Variants in TNRC6B observed in about 807,000 individuals in gnomAD.
The protein encoded by TNRC6B is trinucleotide repeat containing adaptor 6B, also known as trinucleotide repeat-containing gene 6B protein.
Under a neutral mutation model 203.6 loss-of-function variants are expected in TNRC6B, and 52 were observed. The observed-to-expected ratio is 0.26, with a 90% CI of 0.20 to 0.32. The LOEUF (loss-of-function observed/expected upper bound fraction) is 0.32, where lower values mean the gene tolerates loss of function less well. Among genes scored for constraint, TNRC6B ranks in the 10% least tolerant of loss-of-function variants. The pLI is 1.00. For synonymous variants in TNRC6B, 838 were observed against 845.7 expected, an observed-to-expected ratio of 0.99 and a Z score of 0.16; for missense variants, 1,923 against 2,286.2, an observed-to-expected ratio of 0.84 and a Z score of 3.24.
At chr22:40,282,575 A>G (rs1262671369) in intron 11 of TNRC6B, among the ~76,000 whole-genome samples, 3 of 152,220 alleles carry the variant, frequency 2.0e-5, no homozygotes, top group Non-Finnish European at 4.4e-5. Flanking sequence ...GGTGGATCAC[A>G]TGATTATCAA....
chr22:40,276,454 A>C (rs1031426906), intron 7 of TNRC6B, among the ~76,000 whole-genome samples: 3 of 152,332 alleles, frequency 2.0e-5, no homozygotes, highest in African/African-American at 7.2e-5. Flanking sequence ...TCCCTCACAG[A>C]AGTGAAAGTG....
rs769449771 is a variant in TNRC6B at position 40,264,734 on chromosome 22, T to C, written c.504T>C (p.Thr168=). 71 of 1,607,924 alleles carry C rather than the reference T, an allele frequency of 4.4e-5. No homozygotes were observed. In the South Asian group the frequency reaches 7.5e-4, roughly 17 times the overall value. The change falls in exon 5 of 23, where the codon ACT becomes ACC. Residue 168 remains threonine (T), a synonymous_variant. Coordinates refer to ENST00000454349, the MANE Select transcript of TNRC6B (RefSeq NM_001162501.2). ...GAAASNYANS[T]WGSGASSNNG... is the part of the protein sequence containing the mutation. ...CTGCTTCAAATTATGCAAATTCCAC[T>C]TGGGGCTCGGGAGCCTCCTCCAACA...
At chr22:40,253,377 G>A (rs1027658207) in intron 3 of TNRC6B, among the ~76,000 whole-genome samples, 4 of 151,490 alleles carry the variant, frequency 2.6e-5, no homozygotes, top group Middle Eastern at 3.4e-3. Flanking sequence ...GGTGTGAGCC[G>A]CTGCACCCAG....
intron 3 of TNRC6B, among the ~76,000 whole-genome samples, chr22:40,148,507 C>T (rs1326347986): frequency 6.6e-6 from 1 of 152,084 alleles, no homozygotes; most frequent in African/African-American, 2.4e-5. Flanking sequence ...TGATCTCAAT[C>T]TCTTGACCTT....
chr22:40,273,286 G>T (rs2070589994), intron 6 of TNRC6B, 139 bp from the exon 7 acceptor site: 2 of 756,102 alleles, frequency 2.6e-6, no homozygotes, highest in Non-Finnish European at 4.0e-6. Flanking sequence ...TAAAAAATGA[G>T]TAATAATATT....
At chr22:40,281,427 T>C (rs779337712) in intron 11 of TNRC6B, 138 bp downstream of exon 11, 226 of 640,962 alleles carry the variant, frequency 3.5e-4, no homozygotes, top group Non-Finnish European at 4.7e-4. Context: ...GTGTAGGTTC[T>C]AGATCTTTCA....
In TNRC6B at chr22:40,265,722, G is replaced by A. The variant is rs756271910; in HGVS notation, c.1492G>A (p.Glu498Lys). Residue 498 changes from glutamate to lysine, a missense_variant, in exon 5 of 23, where the codon GAA becomes AAA. Physicochemically the swap from Glu to Lys is moderately conservative, Grantham distance 56. This residue lies in a region of TNRC6B where 614 missense variants were observed against 587.7 expected (regional missense o/e 1.04). Coordinates refer to ENST00000454349, the MANE Select transcript of TNRC6B (RefSeq NM_001162501.2). ...PQDSNDNKWGEGNKMTSGVSQ... is the reference protein window; with the variant it reads ...PQDSNDNKWGKGNKMTSGVSQ... Reference sequence around the variant, plus strand: ...GGACTCTAATGACAACAAATGGGGTGAAGGGAACAAAATGACATCTGGGGT... The same window carrying A: ...GGACTCTAATGACAACAAATGGGGTAAAGGGAACAAAATGACATCTGGGGT... 10 of 1,613,880 alleles carry A rather than the reference G, an allele frequency of 6.2e-6. No individual in the cohort carries two copies. The Admixed American group carries it at 1.3e-4, about 22-fold the overall frequency.
At chr22:40,151,139 C>T (rs2068748621) in intron 3 of TNRC6B, among the ~76,000 whole-genome samples, 1 of 152,184 alleles carries the variant, frequency 6.6e-6, no homozygotes, top group East Asian at 1.9e-4. Context: ...GGTGTGGTGG[C>T]TCACGCCTGT....
rs761306748 is a variant in TNRC6B, at chr22:40,273,498, AGAG to A, written c.3048_3050del (p.Glu1016del). 2.5e-6 allele frequency: 4 copies of A among 1,606,080 alleles called. No individual in the cohort carries two copies. The Admixed American group carries it at 6.8e-5, about 27-fold the overall frequency. The stretch of plus-strand genomic sequence containing the variant: ...CAGGAGCTCGCCATCCCAGCTGGGA[AGAG>A]GAGGAGGATGGAGGAGTCTGGAACA... On this transcript the variant is annotated inframe_deletion, in exon 7 of 23. Coordinates refer to ENST00000454349, the MANE Select transcript of TNRC6B (RefSeq NM_001162501.2).
intron 1 of TNRC6B, among the ~76,000 whole-genome samples, chr22:40,226,457 A>G (rs1179727681): frequency 1.3e-5 from 2 of 152,170 alleles, no homozygotes; most frequent in Admixed American, 6.5e-5. Context: ...CCGTCAGATC[A>G]CTTGTTTGCA....
In TNRC6B at chr22:40,185,005, G is replaced by T. The variant is rs115191721; in HGVS notation, c.5+6865G>T. Among the ~76,000 whole-genome samples the T allele has an allele frequency of 4.6e-3, 691 of 151,828 alleles. 7 individuals carry two copies. The highest frequency in any genetic ancestry group is 0.015 in the African/African-American group (631 of 41,414). ...TTCCAAATTTACCAAATTTTTTTTT[G>T]TTCTTTTTGAGACGGAGTCTTGCTC... On this transcript the variant is annotated intron_variant, in intron 1 of 22. Transcript: ENST00000454349.
At position 40,331,821 on chromosome 22, in the gene TNRC6B, GGTGTCCCC is replaced by G. The variant is rs2071471468; in HGVS notation, c.*8587_*8594del. 2.7e-6 allele frequency: 1 copy of G among 368,956 alleles called. No individual in the cohort carries two copies. Among genetic ancestry groups the G allele is most frequent in the Non-Finnish European group, 4.9e-6 (1 of 205,618 alleles). The allele number at this position is 368,956 out of a possible 1,614,324, so 22.9% of individuals were successfully genotyped here. A position where few individuals can be genotyped will look rare whatever the true frequency, so the allele number is the denominator to read the frequency against. On this transcript the variant is annotated 3_prime_UTR_variant, in exon 23 of 23. Coordinates refer to ENST00000454349, the MANE Select transcript of TNRC6B (RefSeq NM_001162501.2). ...CTTGTTCTTCAGTTTCTGTGTCCAT[GGTGTCCCC>G]GTGTCCTGGAGGGGAAGGGGAGTGA...
At chr22:40,097,782 A>G (rs2068197658) in intron 1 of TNRC6B, among the ~76,000 whole-genome samples, 2 of 152,030 alleles carry the variant, frequency 1.3e-5, no homozygotes, top group African/African-American at 4.8e-5. Flanking sequence ...TATGTTTTAT[A>G]TATTTATTTG....
intron 4 of TNRC6B, among the ~76,000 whole-genome samples, chr22:40,164,287 C>T (rs2068898011): frequency 6.7e-6 from 1 of 148,946 alleles, no homozygotes; most frequent in Non-Finnish European, 1.5e-5. Flanking sequence ...ACTCGGGAGG[C>T]TGAGGCAGGA....
At chr22:40,296,768 C>T (rs1601500407) in intron 12 of TNRC6B, among the ~76,000 whole-genome samples, 2 of 152,032 alleles carry the variant, frequency 1.3e-5, no homozygotes, top group Admixed American at 1.3e-4. Context: ...GCTGGGATTA[C>T]AGGCGCTTGC....
intron 1 of TNRC6B, among the ~76,000 whole-genome samples, chr22:40,195,449 C>T (rs1412364807): frequency 6.6e-6 from 1 of 152,088 alleles, no homozygotes; most frequent in Admixed American, 6.5e-5. Context: ...GCTTTTTTGC[C>T]TTTGTCGTCT....
At chr22:40,050,522 T>C (rs2067735906) in intron 1 of TNRC6B, among the ~76,000 whole-genome samples, 1 of 152,172 alleles carries the variant, frequency 6.6e-6, no homozygotes, top group Admixed American at 6.5e-5. Context: ...CACTAGCTTT[T>C]ACCCAGCTAA....
At chr22:40,072,752 TACTC>T (rs2067962215) in intron 1 of TNRC6B, among the ~76,000 whole-genome samples, 1 of 149,312 alleles carries the variant, frequency 6.7e-6, no homozygotes, top group Non-Finnish European at 1.5e-5. Flanking sequence ...AAATCCCAGA[TACTC>T]AGGAGGCGGA....
intron 1 of TNRC6B, among the ~76,000 whole-genome samples, chr22:40,215,447 C>T (rs1385003810): frequency 2.0e-5 from 3 of 152,208 alleles, no homozygotes; most frequent in Non-Finnish European, 4.4e-5. Flanking sequence ...ACTGCATGGC[C>T]GGAGAAGGAA....
Sources: allele counts gnomAD v4.1 joint callset (sites outside exome capture counted in the v4.1 genomes callset), GRCh38; gene constraint gnomAD v4.1.1; regional missense constraint gnomAD v4.1.1; transcripts MANE v1.5; gene names NCBI Gene and HGNC (gene_info 2026-07-23, HGNC 2026-07-21).